Variants in HMGCLL1 observed in about 807,000 individuals in gnomAD.
HMGCLL1 encodes the protein 3-hydroxy-3-methylglutaryl-CoA lyase like 1.
A neutral mutation model predicts 39.1 loss-of-function variants in HMGCLL1; 36 were observed. That is an observed-to-expected ratio of 0.92 (90% CI 0.71 to 1.22). HMGCLL1 has a LOEUF of 1.22. Ranked by LOEUF, HMGCLL1 falls within the 50% of genes most tolerant of loss-of-function variation. The pLI is 0.00. For missense variants in HMGCLL1, 451 were observed against 416.5 expected, an observed-to-expected ratio of 1.08 and a Z score of -0.72; for synonymous variants, 149 against 144.0, an observed-to-expected ratio of 1.03 and a Z score of -0.25.
chr6:55,655,594 A>C, the HMGCLL1 span, among the ~76,000 whole-genome samples: 76 of 143,362 alleles, frequency 5.3e-4, 1 homozygote, highest in Admixed American at 5.4e-3. Flanking sequence ...CCTCCAACTC[A>C]AGTTTCCTTA....
intron 1 of HMGCLL1, among the ~76,000 whole-genome samples, chr6:55,548,083 T>A (rs889716972): frequency 1.3e-5 from 2 of 152,018 alleles, no homozygotes; most frequent in Non-Finnish European, 2.9e-5. Flanking sequence ...CATGCAAAAA[T>A]AAGTTTGTAA....
chr6:55,662,436 A>G, the HMGCLL1 span, among the ~76,000 whole-genome samples: 1 of 151,672 alleles, frequency 6.6e-6, no homozygotes, highest in Admixed American at 6.6e-5. Context: ...GTCTCTTGAG[A>G]TTATCATGTG....
At chr6:55,671,859 A>G in the HMGCLL1 span, among the ~76,000 whole-genome samples, 3 of 151,838 alleles carry the variant, frequency 2.0e-5, no homozygotes, top group Non-Finnish European at 2.9e-5. Flanking sequence ...AATGAAACAT[A>G]TTATGAATAT....
At chr6:55,640,693 A>C in the HMGCLL1 span, among the ~76,000 whole-genome samples, 1 of 151,678 alleles carries the variant, frequency 6.6e-6, no homozygotes, top group Non-Finnish European at 1.5e-5. Flanking sequence ...TCTTTAAAAC[A>C]TTATCACATC....
intron 1 of HMGCLL1, chr6:55,563,913 T>C: frequency 1.6e-6 from 2 of 1,285,504 alleles, no homozygotes. Context: ...AGACTGAAGC[T>C]CCTTTGGAGA....
intron 1 of HMGCLL1, among the ~76,000 whole-genome samples, chr6:55,574,334 A>G: frequency 6.6e-6 from 1 of 151,948 alleles, no homozygotes; most frequent in Non-Finnish European, 1.5e-5. Flanking sequence ...CTGTATGCAT[A>G]TGTATTGTAA....
Position 55,544,112 on chromosome 6 carries a change from A to G in HMGCLL1, c.109-1972T>C, listed in dbSNP as rs576398822. On this transcript the variant is annotated intron_variant, in intron 1 of 8. Coordinates refer to ENST00000274901, the MANE Select transcript of HMGCLL1 (RefSeq NM_001042406.2). ...TATTCCTAGTGGAACCTATACCACA[A>G]TAACCCACTGGGAGCAGCCTAGCTC... Among the ~76,000 whole-genome samples the G allele has an allele frequency of 5.3e-4, 81 of 152,214 alleles. 1 individual carries two copies. Among genetic ancestry groups the G allele is most frequent in the Admixed American group, 1.5e-3 (23 of 15,272 alleles).
At chr6:55,551,711 G>A (rs557959806) in intron 1 of HMGCLL1, among the ~76,000 whole-genome samples, 5 of 152,082 alleles carry the variant, frequency 3.3e-5, no homozygotes, top group Admixed American at 2.0e-4. Flanking sequence ...TGATTTTGGA[G>A]GATGACACTA....
intron 5 of HMGCLL1, among the ~76,000 whole-genome samples, chr6:55,507,512 C>A (rs1767232139): frequency 6.6e-6 from 1 of 151,628 alleles, no homozygotes; most frequent in Non-Finnish European, 1.5e-5. Flanking sequence ...TTTATGATGA[C>A]TTATATTGTT....
At chr6:55,495,834 C>T (rs1766547273) in intron 6 of HMGCLL1, among the ~76,000 whole-genome samples, 1 of 151,968 alleles carries the variant, frequency 6.6e-6, no homozygotes, top group South Asian at 2.1e-4. Flanking sequence ...TTCAAGTTTG[C>T]CTTAGAGTCA....
chr6:55,557,513 TA>T (rs1231182858), intron 1 of HMGCLL1, among the ~76,000 whole-genome samples: 12 of 152,146 alleles, frequency 7.9e-5, no homozygotes, highest in African/African-American at 2.7e-4. Context: ...CGATTCTAAT[TA>T]AAACTTGTAT....
At chr6:55,613,524 G>A in the HMGCLL1 span, among the ~76,000 whole-genome samples, 4 of 152,204 alleles carry the variant, frequency 2.6e-5, no homozygotes, top group East Asian at 7.7e-4. Context: ...ATTCTCAATA[G>A]CAAAGACATG....
intron 5 of HMGCLL1, among the ~76,000 whole-genome samples, chr6:55,504,491 T>A (rs1250752241): frequency 6.6e-6 from 1 of 151,698 alleles, no homozygotes; most frequent in East Asian, 1.9e-4. Context: ...TGAATTTTCA[T>A]TTTCATAGCC....
chr6:55,576,519 G>C (rs780720322), intron 1 of HMGCLL1, among the ~76,000 whole-genome samples: 1 of 152,170 alleles, frequency 6.6e-6, no homozygotes, highest in Non-Finnish European at 1.5e-5. Context: ...CAGAGAAATA[G>C]CATTATTTTA....
At chr6:55,661,596 G>T in the HMGCLL1 span, among the ~76,000 whole-genome samples, 1 of 151,986 alleles carries the variant, frequency 6.6e-6, no homozygotes, top group Non-Finnish European at 1.5e-5. Flanking sequence ...TCAGTACCAT[G>T]CTCTTTTGGT....
the HMGCLL1 span, among the ~76,000 whole-genome samples, chr6:55,593,199 C>T: frequency 6.6e-6 from 1 of 152,068 alleles, no homozygotes; most frequent in African/African-American, 2.4e-5. Flanking sequence ...GGGATCACAT[C>T]CTGACAGAAC....
At chr6:55,577,050 G>GA in intron 1 of HMGCLL1, 1 of 1,613,596 alleles carries the variant, frequency 6.2e-7, no homozygotes, top group Non-Finnish European at 8.5e-7. Flanking sequence ...GAAGAGTGTA[G>GA]ATAGTGATGG....
intron 3 of HMGCLL1, among the ~76,000 whole-genome samples, chr6:55,539,101 C>T (rs185952670): frequency 2.0e-5 from 3 of 152,182 alleles, no homozygotes; most frequent in Admixed American, 2.0e-4. Flanking sequence ...GCTATATGGA[C>T]AAAGAGGCAG....
At chr6:55,574,440 T>C (rs1239294076) in intron 1 of HMGCLL1, among the ~76,000 whole-genome samples, 3 of 151,918 alleles carry the variant, frequency 2.0e-5, no homozygotes, top group Non-Finnish European at 4.4e-5. Flanking sequence ...TTTTAATAAG[T>C]TGTAATAGTA....
Sources: gnomAD v4.1 joint callset for allele counts (sites outside exome capture counted in the v4.1 genomes callset) on GRCh38, gnomAD v4.1.1 for gene constraint, MANE v1.5 for transcripts, NCBI Gene and HGNC (gene_info 2026-07-23, HGNC 2026-07-21) for gene names.